BIN2: variants seen among roughly 807,000 people sequenced by gnomAD.
BIN2 encodes breast cancer associated protein BRAP1.
BIN2 carries 43 observed loss-of-function variants against 67.9 expected under a neutral mutation model. The observed-to-expected ratio is 0.63, with a 90% CI of 0.50 to 0.82. The LOEUF (loss-of-function observed/expected upper bound fraction) is 0.82. BIN2 is among the 40% of genes least tolerant of loss of function. The pLI is 0.00. For synonymous variants in BIN2, 244 were observed against 246.8 expected (o/e 0.99, Z 0.11); for missense variants, 581 against 671.6 (o/e 0.87, Z 1.49).
chr12:51,324,088 C>T lies in BIN2; in HGVS notation c.15G>A (p.Lys5=), dbSNP rs756078092. MAEG[K]AGGAAGLFAK... ...CGAAGAGGCCGGCCGCGCCGCCTGC[C>T]TTGCCCTCTGCCATCCTGCCAACTC... Residue 5 remains lysine, a synonymous_variant, in exon 1 of 13, where the codon AAG becomes AAA. Transcript: ENST00000615107. The T allele has an allele frequency of 1.1e-4, 173 of 1,613,362 alleles. No homozygotes were observed. The highest frequency in any genetic ancestry group is 1.3e-4 in the Non-Finnish European group (154 of 1,179,686).
chr12:51,324,600 T>G, upstream of BIN2: 1 of 1,417,822 alleles, frequency 7.1e-7, no homozygotes, highest in Non-Finnish European at 9.3e-7. Context: ...GCTCTAAGCC[T>G]GGAACTGGTA....
intron 9 of BIN2, among the ~76,000 whole-genome samples, chr12:51,293,529 G>A (rs75680554): frequency 0.058 from 8,899 of 152,144 alleles, 403 homozygotes; most frequent in Non-Finnish European, 0.094. Context: ...AGCCAGGATG[G>A]TCTCGATCTC....
At chr12:51,291,479 A>G in intron 10 of BIN2, 112 bp downstream of exon 10, 1 of 1,073,254 alleles carries the variant, frequency 9.3e-7, no homozygotes, top group Non-Finnish European at 1.3e-6. Flanking sequence ...AGAGGTCGAG[A>G]CTGCAATGAG....
At position 51,299,675 on chromosome 12, in the gene BIN2, C is replaced by A; in HGVS notation, c.448G>T (p.Asp150Tyr). Residue 150 changes from aspartate to tyrosine, a missense_variant, in exon 6 of 13, where the codon GAC (aspartate) becomes TAC (tyrosine). Physicochemically the swap from Asp to Tyr is radical, Grantham distance 160. Coordinates refer to ENST00000615107, the MANE Select transcript of BIN2 (RefSeq NM_016293.4). The stretch of plus-strand genomic sequence containing the variant: ...GCCTCCAGGTGGTGTCGGGCACTGT[C>A]ATAGTCCACGAGTTTCCGACCCCGC... Reference protein sequence around the residue: ...AKRGRKLVDYDSARHHLEAVQ... With the variant: ...AKRGRKLVDYYSARHHLEAVQ... The A allele has an allele frequency of 1.2e-6, 2 of 1,614,144 alleles. No homozygotes were observed. The highest frequency in any genetic ancestry group is 1.7e-6 in the Non-Finnish European group (2 of 1,180,038).
At chr12:51,313,741 G>C (rs915704034) in intron 2 of BIN2, 82 bp downstream of exon 2, 1 of 1,285,246 alleles carries the variant, frequency 7.8e-7, no homozygotes, top group African/African-American at 1.5e-5. Context: ...TTGCCAGTTT[G>C]CAGAACTTAT....
At chr12:51,284,395 A>T (rs987116197) in intron 12 of BIN2, among the ~76,000 whole-genome samples, 1 of 152,214 alleles carries the variant, frequency 6.6e-6, no homozygotes, top group Non-Finnish European at 1.5e-5. Flanking sequence ...TTGTTGAGCA[A>T]CACATTACTG....
At chr12:51,297,968 A>G (rs1945614599) in intron 7 of BIN2, among the ~76,000 whole-genome samples, 1 of 152,094 alleles carries the variant, frequency 6.6e-6, no homozygotes, top group Admixed American at 6.5e-5. Context: ...TTTCTAGGCC[A>G]GGCACGGTGG....
intron 9 of BIN2, among the ~76,000 whole-genome samples, chr12:51,293,629 C>G (rs910436071): frequency 6.6e-6 from 1 of 151,936 alleles, no homozygotes; most frequent in African/African-American, 2.4e-5. Context: ...TTACATAGAT[C>G]GATTTTTTTA....
At chr12:51,283,602 C>T (rs982733768) in intron 12 of BIN2, among the ~76,000 whole-genome samples, 50 of 152,128 alleles carry the variant, frequency 3.3e-4, no homozygotes, top group Non-Finnish European at 3.8e-4. Context: ...AGGCACATGC[C>T]ACAACACACC....
At chr12:51,319,376 T>C (rs1946211008) in intron 1 of BIN2, among the ~76,000 whole-genome samples, 1 of 152,210 alleles carries the variant, frequency 6.6e-6, no homozygotes, top group South Asian at 2.1e-4. Context: ...AGTAATTTGT[T>C]GCCATAAGCA....
rs543979872 is a variant in BIN2 at position 51,284,906 on chromosome 12, G to A, written c.1597-119C>T. The A allele has an allele frequency of 1.2e-4, 86 of 717,562 alleles. 5 individuals are homozygous for A. The South Asian group carries it at 1.4e-3, about 11-fold the overall frequency. 44.4% of individuals were successfully genotyped at this position (717,562 alleles called of 1,614,324 possible). A position where few individuals can be genotyped will look rare whatever the true frequency, so the allele number is the denominator to read the frequency against. ...TCTCAGTATTTGTACTATTACAAAGGGCAAAATACAGTGTTGTTTCACCAG... is the reference window on the plus strand; with the variant it reads ...TCTCAGTATTTGTACTATTACAAAGAGCAAAATACAGTGTTGTTTCACCAG... On this transcript the variant is annotated intron_variant, in intron 11 of 12. Coordinates refer to ENST00000615107, the MANE Select transcript of BIN2 (RefSeq NM_016293.4).
chr12:51,324,530 TA>T, upstream of BIN2: 1 of 1,531,128 alleles, frequency 6.5e-7, no homozygotes. Context: ...AAAACACGTT[TA>T]GGTTCTCTGA....
At chr12:51,324,586 G>C, upstream of BIN2, 1 of 1,475,802 alleles carries the variant, frequency 6.8e-7, no homozygotes, top group South Asian at 1.3e-5. Flanking sequence ...CTTGCTCCAG[G>C]TAGGCTCTAA....
At chr12:51,288,003 C>A in intron 11 of BIN2, 105 bp downstream of exon 11, 1 of 797,412 alleles carries the variant, frequency 1.3e-6, no homozygotes, top group Non-Finnish European at 2.0e-6. Flanking sequence ...TCATGTGAAT[C>A]AAGACTGAAG....
At chr12:51,315,331 T>C (rs976181297) in intron 1 of BIN2, among the ~76,000 whole-genome samples, 11 of 151,862 alleles carry the variant, frequency 7.2e-5, no homozygotes, top group Non-Finnish European at 1.2e-4. Context: ...CCACTATGCC[T>C]GACTAAGTTT....
chr12:51,309,438 A>G (rs1945941802), intron 2 of BIN2, among the ~76,000 whole-genome samples: 1 of 152,228 alleles, frequency 6.6e-6, no homozygotes, highest in Admixed American at 6.5e-5. Flanking sequence ...CCTGGCACAC[A>G]GCAGGTGCTC....
intron 1 of BIN2, among the ~76,000 whole-genome samples, chr12:51,314,799 CA>C (rs549900834): frequency 1.7e-3 from 225 of 131,856 alleles, no homozygotes; most frequent in Middle Eastern, 3.9e-3. Context: ...AACTCTGTCT[CA>C]AAAAAAAAAA....
rs374696948 is a variant in BIN2, at chr12:51,324,037, G to T, written c.66C>A (p.Ser22Arg). The change falls in exon 1 of 13, where the codon AGC (serine) becomes AGA (arginine). Residue 22 changes from serine (S) to arginine (R), a missense_variant. Coordinates refer to ENST00000615107, the MANE Select transcript of BIN2 (RefSeq NM_016293.4). ...GGCCACCTACCTTCTCCTGGGCCCT[G>T]CTAAACTTCTTCTGCACCTGCTTGG... Reference protein sequence around the residue: ...LFAKQVQKKFSRAQEKVLQKL... With the variant: ...LFAKQVQKKFRRAQEKVLQKL... 3 of 1,613,432 alleles carry T rather than the reference G, an allele frequency of 1.9e-6. No homozygotes were observed. Among genetic ancestry groups the T allele is most frequent in the Non-Finnish European group, 2.5e-6 (3 of 1,179,706 alleles).
At chr12:51,293,826 A>C (rs988274652) in intron 9 of BIN2, among the ~76,000 whole-genome samples, 108 of 152,170 alleles carry the variant, frequency 7.1e-4, no homozygotes, top group African/African-American at 2.5e-3. Flanking sequence ...TAAGTCTGAC[A>C]ATTTCACATG....
Sources: allele counts gnomAD v4.1 joint callset (sites outside exome capture counted in the v4.1 genomes callset), GRCh38; gene constraint gnomAD v4.1.1; transcripts MANE v1.5; gene names NCBI Gene and HGNC (gene_info 2026-07-23, HGNC 2026-07-21).